DAP3: variants seen among roughly 807,000 people sequenced by gnomAD.
DAP3 encodes the protein death associated protein 3.
A neutral mutation model predicts 51.9 loss-of-function variants in DAP3; 28 were observed. The ratio of observed to expected loss-of-function variants is 0.54; its 90% CI spans 0.40 to 0.74. The LOEUF is 0.74. Ranked by LOEUF, DAP3 falls within the 30% of genes least tolerant of loss-of-function variation. The pLI, the probability that DAP3 is intolerant of heterozygous loss-of-function variation, is 0.00. For synonymous variants in DAP3, 170 were observed against 170.3 expected, an observed-to-expected ratio of 1.00 and a Z score of 0.01; for missense variants, 458 against 483.5, an observed-to-expected ratio of 0.95 and a Z score of 0.49.
Position 155,738,790 on chromosome 1 carries a change from G to A in DAP3, c.*548G>A, listed in dbSNP as rs1203542859. On this transcript the variant is annotated 3_prime_UTR_variant, in exon 13 of 13. Coordinates refer to ENST00000368336, the MANE Select transcript of DAP3 (RefSeq NM_004632.4). ...AGTTTGCAACCAGCCTGGGCAACAT[G>A]GTGAAAACCTGTCTCTACTAAAAAT... 1 of 152,102 alleles carries A rather than the reference G, an allele frequency of 6.6e-6. No individual in the cohort carries two copies. Among genetic ancestry groups the A allele is most frequent in the African/African-American group, 2.4e-5 (1 of 41,388 alleles). The allele number at this position is 152,102 out of a possible 1,614,324, so 9.4% of individuals were successfully genotyped here.
At chr1:155,707,354 A>G (rs1656122802) in intron 1 of DAP3, among the ~76,000 whole-genome samples, 1 of 151,576 alleles carries the variant, frequency 6.6e-6, no homozygotes, top group Non-Finnish European at 1.5e-5. Context: ...CGGAGCTTGC[A>G]GTGAGCCAAG....
intron 1 of DAP3, among the ~76,000 whole-genome samples, chr1:155,702,165 A>G (rs1200330366): frequency 1.4e-5 from 2 of 146,954 alleles, no homozygotes; most frequent in Non-Finnish European, 3.0e-5. Flanking sequence ...AAAAAAAAAA[A>G]AAAAAGAAAA....
chr1:155,688,769 C>A, upstream of DAP3: 3 of 1,533,668 alleles, frequency 2.0e-6, no homozygotes, highest in Non-Finnish European at 2.6e-6. Flanking sequence ...AGCACCCCCA[C>A]CCTACACTCC....
In DAP3 at chr1:155,717,302, G is replaced by A. The variant is rs1282423178; in HGVS notation, c.168+174G>A. ...ATTCTCCCTGTCCCTGTCTGATACTGTGGTAACATACACTGGCCAGCTCGG... is the reference window on the plus strand; with the variant it reads ...ATTCTCCCTGTCCCTGTCTGATACTATGGTAACATACACTGGCCAGCTCGG... On this transcript the variant is annotated intron_variant, in intron 3 of 12. Transcript: ENST00000368336. Among the ~76,000 whole-genome samples, 4 of 152,252 alleles carry A rather than the reference G, an allele frequency of 2.6e-5. No individual in the cohort carries two copies. In the East Asian group the frequency reaches 5.8e-4, roughly 22 times the overall value.
intron 2 of DAP3, chr1:155,710,391 C>G (rs1400555417): frequency 6.6e-6 from 1 of 152,072 alleles, no homozygotes; most frequent in Non-Finnish European, 1.5e-5. Flanking sequence ...GCCACCATGC[C>G]CGGCTAATTT....
At chr1:155,696,241 A>T (rs1654493331) in intron 1 of DAP3, among the ~76,000 whole-genome samples, 1 of 152,218 alleles carries the variant, frequency 6.6e-6, no homozygotes, top group African/African-American at 2.4e-5. Flanking sequence ...CAATGAATTG[A>T]AAAGGCAAGA....
chr1:155,716,374 A>T (rs1657335200), intron 2 of DAP3, among the ~76,000 whole-genome samples: 1 of 150,704 alleles, frequency 6.6e-6, no homozygotes, highest in African/African-American at 2.4e-5. Context: ...ATCCTGGCTA[A>T]CACAGTGAAA....
At chr1:155,710,193 C>A in intron 2 of DAP3, 1 of 163,424 alleles carries the variant, frequency 6.1e-6, no homozygotes, top group African/African-American at 2.4e-5. Flanking sequence ...TGGTTTACTT[C>A]ATTTTTTCAC....
At chr1:155,725,170 T>C (rs1658432564) in intron 4 of DAP3, among the ~76,000 whole-genome samples, 1 of 152,212 alleles carries the variant, frequency 6.6e-6, no homozygotes, top group African/African-American at 2.4e-5. Flanking sequence ...CTGACTATCA[T>C]GTTACTTAGT....
chr1:155,699,862 C>T (rs910924590), intron 1 of DAP3, among the ~76,000 whole-genome samples: 6 of 152,192 alleles, frequency 3.9e-5, no homozygotes, highest in Non-Finnish European at 8.8e-5. Flanking sequence ...GCAGTCCTCC[C>T]GTCTCAGCCT....
intron 1 of DAP3, chr1:155,709,083 A>C (rs1656372441): frequency 6.6e-6 from 1 of 151,304 alleles, no homozygotes; most frequent in South Asian, 2.1e-4. Context: ...CCTGACCTCA[A>C]GTGATCTGCC....
rs1407987513 is a variant in DAP3 at position 155,729,188 on chromosome 1, T to C, written c.685-20T>C. On this transcript the variant is annotated intron_variant, in intron 8 of 12. Transcript: ENST00000368336. ...GAGAAGGCCTCTGGTAGCACTACAATCCACTGTCTCTCCCAATAGGGCATA... is the reference window on the plus strand; with the variant it reads ...GAGAAGGCCTCTGGTAGCACTACAACCCACTGTCTCTCCCAATAGGGCATA... The C allele has an allele frequency of 6.2e-7, 1 of 1,614,090 alleles. No individual in the cohort carries two copies. Among genetic ancestry groups the C allele is most frequent in the East Asian group, 2.2e-5 (1 of 44,874 alleles).
chr1:155,722,929 T>C (rs1410896143), intron 4 of DAP3, among the ~76,000 whole-genome samples: 3 of 152,240 alleles, frequency 2.0e-5, no homozygotes, highest in Admixed American at 2.0e-4. Flanking sequence ...TTTAATTAAC[T>C]ATTTGAAGTT....
At chr1:155,728,062 G>A (rs1250253295) in intron 7 of DAP3, among the ~76,000 whole-genome samples, 2 of 151,760 alleles carry the variant, frequency 1.3e-5, no homozygotes, top group East Asian at 1.9e-4. Context: ...ATCTTTTTAG[G>A]GAACCAGAAA....
At chr1:155,735,660 A>G (rs553472714) in intron 11 of DAP3, among the ~76,000 whole-genome samples, 26 of 150,170 alleles carry the variant, frequency 1.7e-4, no homozygotes, top group African/African-American at 5.6e-4. Flanking sequence ...ATTTTTTCCC[A>G]TTATTTTTAT....
At chr1:155,728,443 G>A (rs1658837265) in intron 7 of DAP3, among the ~76,000 whole-genome samples, 1 of 151,396 alleles carries the variant, frequency 6.6e-6, no homozygotes, top group East Asian at 2.0e-4. Context: ...ACGCCTGTAG[G>A]CCCATCTATT....
chr1:155,706,542 G>A lies in DAP3; in HGVS notation c.-7-3231G>A, dbSNP rs141822633. Among the ~76,000 whole-genome samples, 858 of 152,232 alleles carry A rather than the reference G, an allele frequency of 5.6e-3. 4 individuals carry two copies. The highest frequency in any genetic ancestry group is 0.019 in the African/African-American group (809 of 41,538). On this transcript the variant is annotated intron_variant, in intron 1 of 12. Transcript: ENST00000368336. ...ATCCCTTTGGGAGGCTGAGGTGGGA[G>A]GATCACCTGAGGTCAGGAGTTCAAG...
rs1226601963 is a variant in DAP3 at position 155,738,255 on chromosome 1, G to A, written c.*13G>A. 6.2e-7 allele frequency: 1 copy of A among 1,614,062 alleles called. No homozygotes were observed. Among genetic ancestry groups the A allele is most frequent in the East Asian group, 2.2e-5 (1 of 44,882 alleles). ...TGCCTACCTCTAAGCCAAGATCACAGCATGTGAGGAAGACAGTGGACATCT... is the reference window on the plus strand; with the variant it reads ...TGCCTACCTCTAAGCCAAGATCACAACATGTGAGGAAGACAGTGGACATCT... On this transcript the variant is annotated 3_prime_UTR_variant, in exon 13 of 13. Coordinates refer to ENST00000368336, the MANE Select transcript of DAP3 (RefSeq NM_004632.4).
chr1:155,722,372 A>G (rs991020850), intron 4 of DAP3, among the ~76,000 whole-genome samples: 4 of 152,028 alleles, frequency 2.6e-5, no homozygotes, highest in Admixed American at 2.6e-4. Flanking sequence ...GCACCACTGT[A>G]CCCCAGCCTG....
Sources: gnomAD v4.1 joint callset for allele counts (sites outside exome capture counted in the v4.1 genomes callset) on GRCh38, gnomAD v4.1.1 for gene constraint, MANE v1.5 for transcripts, NCBI Gene and HGNC (gene_info 2026-07-23, HGNC 2026-07-21) for gene names.